The following TTC34 variants were observed in gnomAD, a reference collection of about 807,000 sequenced individuals.
TTC34 encodes tetratricopeptide repeat domain 34, also known as tetratricopeptide repeat protein 34.
Under a neutral mutation model 40.7 loss-of-function variants are expected in TTC34, and 44 were observed. That is an observed-to-expected ratio of 1.08 (90% CI 0.85 to 1.39). The LOEUF is 1.39. Among genes scored for constraint, TTC34 ranks in the 40% most tolerant of loss-of-function variants. The pLI is 0.00. For synonymous variants in TTC34, 422 were observed against 398.6 expected (o/e 1.06, Z -0.70); for missense variants, 884 against 838.0 (o/e 1.05, Z -0.68).
At chr1:2,780,458 G>T (rs1225139650) in intron 6 of TTC34, among the ~76,000 whole-genome samples, 2 of 152,162 alleles carry the variant, frequency 1.3e-5, no homozygotes, top group African/African-American at 4.8e-5. Context: ...TTTGTATGTA[G>T]TGTTAGGAAA....
At chr1:2,789,929 G>A in exon 3 of TTC34, 1 of 394,506 alleles carries the variant, frequency 2.5e-6, no homozygotes, top group Admixed American at 4.4e-5. Flanking sequence ...CTCAGGGCGT[G>A]CGGGCCGCAG....
At chr1:2,756,595 G>A (rs1287905311) in intron 6 of TTC34, among the ~76,000 whole-genome samples, 114 of 53,820 alleles carry the variant, frequency 2.1e-3, no homozygotes, top group Middle Eastern at 0.011. Flanking sequence ...ACCAACAGGT[G>A]AGCATCTGAC....
chr1:2,789,598 G>A (rs1643637956), exon 3 of TTC34: 2 of 1,405,834 alleles, frequency 1.4e-6, no homozygotes, highest in African/African-American at 1.5e-5. Flanking sequence ...GCATCCCACG[G>A]GCCTCCTCCC....
exon 9 of TTC34, chr1:2,641,773 G>A (rs1570743335): frequency 6.5e-7 from 1 of 1,535,282 alleles, no homozygotes; most frequent in African/African-American, 1.4e-5. Flanking sequence ...CGGCCAGGCA[G>A]GTGGCCCGCA....
chr1:2,768,217 G>A (rs1192680662), intron 6 of TTC34, among the ~76,000 whole-genome samples: 2 of 151,850 alleles, frequency 1.3e-5, no homozygotes, highest in Non-Finnish European at 2.9e-5. Flanking sequence ...CCCTGGGTGA[G>A]GATGCTCACC....
At chr1:2,752,780 ATAAGCATG>A (rs1641366946) in intron 6 of TTC34, among the ~76,000 whole-genome samples, 1 of 99,988 alleles carries the variant, frequency 1.0e-5, no homozygotes, top group African/African-American at 4.5e-5. Flanking sequence ...ATACGCCCAG[ATAAGCATG>A]TGACAGCCTG....
At chr1:2,787,452 G>A in intron 4 of TTC34, 29 bp downstream of exon 4, 1 of 1,447,784 alleles carries the variant, frequency 6.9e-7, no homozygotes, top group South Asian at 1.4e-5. Context: ...ATTTCCACCT[G>A]CCCTCTGTCA....
At chr1:2,785,705 G>A (rs1569961259) in intron 5 of TTC34, 114 bp downstream of exon 5, 1 of 1,201,658 alleles carries the variant, frequency 8.3e-7, no homozygotes, top group Non-Finnish European at 1.1e-6. Flanking sequence ...GTGTTCCTGA[G>A]GCCCCTGCAC....
intron 5 of TTC34, among the ~76,000 whole-genome samples, chr1:2,784,980 C>CACTCTGGGCT (rs1348331868): frequency 1.8e-4 from 5 of 27,178 alleles, no homozygotes; most frequent in African/African-American, 4.9e-4. Flanking sequence ...CACTCTGGGC[C>CACTCTGGGCT]GCTCTGGGCT....
intron 6 of TTC34, among the ~76,000 whole-genome samples, chr1:2,752,538 G>A (rs1306903430): frequency 2.9e-5 from 4 of 137,868 alleles, no homozygotes; most frequent in South Asian, 2.4e-4. Context: ...ACATCCCCAG[G>A]TGAGCATCTG....
chr1:2,648,921 C>G (rs917046661), intron 6 of TTC34, among the ~76,000 whole-genome samples: 1 of 148,410 alleles, frequency 6.7e-6, no homozygotes, highest in Non-Finnish European at 1.5e-5. Flanking sequence ...GCACCCCACA[C>G]ACCTAGGGGA....
chr1:2,655,068 C>T (rs796099246), intron 6 of TTC34, among the ~76,000 whole-genome samples: 1 of 105,378 alleles, frequency 9.5e-6, no homozygotes, highest in African/African-American at 3.2e-5. Flanking sequence ...AAGTGAGCAC[C>T]TGACAGCCTG....
intron 6 of TTC34, among the ~76,000 whole-genome samples, chr1:2,699,197 A>G (rs1255788178): frequency 6.2e-5 from 9 of 146,246 alleles, no homozygotes; most frequent in East Asian, 4.1e-4. Context: ...GACAACCTGG[A>G]GCAGCACCCA....
intron 1 of TTC34, among the ~76,000 whole-genome samples, chr1:2,801,319 G>C (rs930998778): frequency 6.6e-6 from 1 of 151,820 alleles, no homozygotes; most frequent in Non-Finnish European, 1.5e-5. Context: ...CCACACCCCT[G>C]CCCACCCTCT....
intron 6 of TTC34, among the ~76,000 whole-genome samples, chr1:2,751,009 A>T (rs1466724004): frequency 1.4e-5 from 1 of 70,156 alleles, no homozygotes; most frequent in African/African-American, 7.5e-5. Context: ...ACCCACACCG[A>T]CAGGTGAGCA....
rs1213016793 is a variant in TTC34 at position 2,750,383 on chromosome 1, C to A, written c.2226+33226G>T. Among the ~76,000 whole-genome samples the A allele has an allele frequency of 3.6e-5, 4 of 111,626 alleles. 1 individual carries two copies. Among genetic ancestry groups the A allele is most frequent in the African/African-American group, 1.7e-4 (4 of 24,064 alleles). 73.2% of individuals were successfully genotyped at this position (111,626 alleles called of 152,430 possible). A position where few individuals can be genotyped will look rare whatever the true frequency, so the allele number is the denominator to read the frequency against. On this transcript the variant is annotated intron_variant, in intron 6 of 8. Transcript: ENST00000401095. ...CCTGCACCCCGAGGTGAGCATCTGACAGCCTGGAACAGCACGCACACCCCC... is the reference window on the plus strand; with the variant it reads ...CCTGCACCCCGAGGTGAGCATCTGAAAGCCTGGAACAGCACGCACACCCCC...
In TTC34 at chr1:2,765,690, C is replaced by A. The variant is rs1641766950; in HGVS notation, c.2226+17919G>T. Among the ~76,000 whole-genome samples, 2 of 34,460 alleles carry A rather than the reference C, an allele frequency of 5.8e-5. 1 individual carries two copies. Among genetic ancestry groups the A allele is most frequent in the Non-Finnish European group, 8.8e-5 (2 of 22,700 alleles). The allele number at this position is 34,460 out of a possible 152,430, so 22.6% of individuals were successfully genotyped here. A position where few individuals can be genotyped will look rare whatever the true frequency, so the allele number is the denominator to read the frequency against. On this transcript the variant is annotated intron_variant, in intron 6 of 8. Transcript: ENST00000401095. Reference sequence around the variant, plus strand: ...AGCACCCATACCCCCAGGCGAGCATCTGACAGCCTGGAGCAGCATGCACAC... The same window carrying A: ...AGCACCCATACCCCCAGGCGAGCATATGACAGCCTGGAGCAGCATGCACAC...
At chr1:2,656,134 G>T (rs60264562) in intron 6 of TTC34, among the ~76,000 whole-genome samples, 1 of 149,140 alleles carries the variant, frequency 6.7e-6, no homozygotes, top group African/African-American at 2.5e-5. Flanking sequence ...AGAACCCACA[G>T]CCCCAGGTGA....
chr1:2,694,714 C>G (rs1426761286), intron 6 of TTC34, among the ~76,000 whole-genome samples: 1 of 85,214 alleles, frequency 1.2e-5, no homozygotes, highest in Admixed American at 1.1e-4. Flanking sequence ...CCCACAACCA[C>G]AGGTGAGCAT....
Sources: gnomAD v4.1 joint callset for allele counts (sites outside exome capture counted in the v4.1 genomes callset) on GRCh38, gnomAD v4.1.1 for gene constraint, MANE v1.5 for transcripts, NCBI Gene and HGNC (gene_info 2026-07-23, HGNC 2026-07-21) for gene names.